The following ZUP1 variants were observed in gnomAD, a reference collection of about 807,000 sequenced individuals.
The protein encoded by ZUP1 is zinc finger-containing ubiquitin peptidase 1.
Under a neutral mutation model 68.1 loss-of-function variants are expected in ZUP1, and 55 were observed. That is an observed-to-expected ratio of 0.81 (90% CI 0.65 to 1.01). The LOEUF (loss-of-function observed/expected upper bound fraction) is 1.01, where lower values mean the gene tolerates loss of function less well. Among genes scored for constraint, ZUP1 ranks in the 50% least tolerant of loss-of-function variants. The probability of loss-of-function intolerance (pLI) is 0.00; values close to 1 mark genes in which losing one functional copy is unlikely to be tolerated. For synonymous variants in ZUP1, 223 were observed against 221.5 expected, an observed-to-expected ratio of 1.01 and a Z score of -0.06; for missense variants, 684 against 674.9, an observed-to-expected ratio of 1.01 and a Z score of -0.15.
chr6:116,643,630 G>T (rs1358079965), intron 9 of ZUP1, among the ~76,000 whole-genome samples: 1 of 152,138 alleles, frequency 6.6e-6, no homozygotes, highest in Non-Finnish European at 1.5e-5. Context: ...AAACTGGCTG[G>T]CCATATGTAG....
Position 116,643,795 on chromosome 6 carries a change from A to G in ZUP1, c.1689+1919T>C, listed in dbSNP as rs550261865. On this transcript the variant is annotated intron_variant, in intron 9 of 9. Coordinates refer to ENST00000368576, the MANE Select transcript of ZUP1 (RefSeq NM_145062.3). The stretch of plus-strand genomic sequence containing the variant: ...AGGCATGGGCAAGGACTTCATGTCT[A>G]AAACACCAAAAGCATTGGCAACAAA... 1.2e-4 allele frequency among the ~76,000 whole-genome samples: 18 copies of G among 152,360 alleles called. 1 individual carries two copies. The Middle Eastern group carries it at 0.017, about 144-fold the overall frequency.
intron 5 of ZUP1, among the ~76,000 whole-genome samples, chr6:116,653,740 G>A (rs1433419282): frequency 6.6e-6 from 1 of 151,922 alleles, no homozygotes; most frequent in African/African-American, 2.4e-5. Context: ...CAAGATTTGA[G>A]GCAGCCCTTT....
intron 2 of ZUP1, among the ~76,000 whole-genome samples, chr6:116,664,879 G>GAC (rs144584776): frequency 0.028 from 4,100 of 147,200 alleles, 67 homozygotes; most frequent in East Asian, 0.069. Flanking sequence ...CACAAGTACA[G>GAC]ACACACACAC....
At chr6:116,646,914 G>A (rs1776327693) in intron 8 of ZUP1, among the ~76,000 whole-genome samples, 2 of 152,110 alleles carry the variant, frequency 1.3e-5, no homozygotes, top group Admixed American at 6.6e-5. Context: ...GTCAGGGAAG[G>A]CCTCACTCAA....
intron 2 of ZUP1, among the ~76,000 whole-genome samples, chr6:116,666,127 C>T (rs1367112374): frequency 6.6e-6 from 1 of 152,112 alleles, no homozygotes; most frequent in Non-Finnish European, 1.5e-5. Flanking sequence ...ACATAAACAA[C>T]AGGATCTAGT....
intron 3 of ZUP1, among the ~76,000 whole-genome samples, chr6:116,659,749 C>T (rs1020897328): frequency 2.0e-5 from 3 of 152,184 alleles, no homozygotes; most frequent in African/African-American, 2.4e-5. Flanking sequence ...CTTCTCTACT[C>T]GGTGTCCCCC....
At chr6:116,662,390 T>G (rs886925427) in intron 2 of ZUP1, among the ~76,000 whole-genome samples, 1 of 152,142 alleles carries the variant, frequency 6.6e-6, no homozygotes, top group Non-Finnish European at 1.5e-5. Context: ...AGTATACATT[T>G]TTTACCACCA....
rs1583360473 is a variant in ZUP1, at chr6:116,641,441, A to G, written c.1689+4273T>C. Among the ~76,000 whole-genome samples, 4 of 152,118 alleles carry G rather than the reference A, an allele frequency of 2.6e-5. No individual in the cohort carries two copies. The East Asian group carries it at 7.7e-4, about 29-fold the overall frequency. ...CAAAATTGACCACATACTTGGAAGT[A>G]AAGCTCTCCTCAGCAAATGTAAAAG... On this transcript the variant is annotated intron_variant, in intron 9 of 9. Coordinates refer to ENST00000368576, the MANE Select transcript of ZUP1 (RefSeq NM_145062.3).
intron 9 of ZUP1, among the ~76,000 whole-genome samples, chr6:116,639,162 C>T (rs1443328889): frequency 6.6e-6 from 1 of 152,244 alleles, no homozygotes; most frequent in Non-Finnish European, 1.5e-5. Flanking sequence ...CCCAGGCTCG[C>T]TTAGGTAAAC....
At chr6:116,639,107 A>G (rs1776003003) in intron 9 of ZUP1, among the ~76,000 whole-genome samples, 1 of 152,252 alleles carries the variant, frequency 6.6e-6, no homozygotes, top group African/African-American at 2.4e-5. Context: ...TCTGAGATCA[A>G]ACTGCAAGGC....
intron 2 of ZUP1, among the ~76,000 whole-genome samples, chr6:116,661,182 G>A (rs1232365129): frequency 6.6e-6 from 1 of 151,914 alleles, no homozygotes; most frequent in African/African-American, 2.4e-5. Flanking sequence ...AGCCAAGTTG[G>A]TTTTATTTTT....
At chr6:116,646,105 G>T (rs1776301580) in intron 8 of ZUP1, 171 bp from the exon 9 acceptor site, 5 of 437,470 alleles carry the variant, frequency 1.1e-5, no homozygotes, top group East Asian at 1.1e-4. Context: ...TTCTACTTCA[G>T]TTTTTTCATT....
chr6:116,651,789 A>G (rs1198935529), intron 6 of ZUP1, 52 bp from the exon 7 acceptor site: 2 of 1,593,936 alleles, frequency 1.3e-6, no homozygotes, highest in South Asian at 2.2e-5. Flanking sequence ...AGTACTGAAT[A>G]ATATTTAGCA....
At chr6:116,642,039 C>A (rs1288776148) in intron 9 of ZUP1, among the ~76,000 whole-genome samples, 1 of 152,158 alleles carries the variant, frequency 6.6e-6, no homozygotes, top group African/African-American at 2.4e-5. Context: ...AAACTACCAT[C>A]AGAGAATACT....
intron 9 of ZUP1, among the ~76,000 whole-genome samples, chr6:116,640,329 T>A (rs1260956898): frequency 1.3e-5 from 2 of 151,972 alleles, no homozygotes; most frequent in Non-Finnish European, 2.9e-5. Context: ...ATTCAGGAAA[T>A]ACAGAGAATG....
At chr6:116,636,527 T>C (rs1303691219) in intron 9 of ZUP1, among the ~76,000 whole-genome samples, 1 of 152,118 alleles carries the variant, frequency 6.6e-6, no homozygotes, top group Non-Finnish European at 1.5e-5. Flanking sequence ...AATAAATCCT[T>C]TCACCTAAAC....
intron 3 of ZUP1, among the ~76,000 whole-genome samples, chr6:116,659,161 C>T (rs1216700494): frequency 6.6e-6 from 1 of 152,122 alleles, no homozygotes; most frequent in Non-Finnish European, 1.5e-5. Flanking sequence ...CGGAGTTTCG[C>T]TCTTATTGCC....
chr6:116,645,215 T>A (rs1180388200), intron 9 of ZUP1, among the ~76,000 whole-genome samples: 2 of 152,196 alleles, frequency 1.3e-5, no homozygotes, highest in Non-Finnish European at 2.9e-5. Flanking sequence ...ATAAATATGT[T>A]CATTCCAGAA....
intron 4 of ZUP1, 115 bp from the exon 5 acceptor site, chr6:116,656,967 T>C (rs1370357660): frequency 1.8e-5 from 12 of 648,896 alleles, no homozygotes; most frequent in Non-Finnish European, 2.6e-5. Flanking sequence ...TTATAGACTT[T>C]ATACAAGTTA....
Sources: gnomAD v4.1 joint callset for allele counts (sites outside exome capture counted in the v4.1 genomes callset) on GRCh38, gnomAD v4.1.1 for gene constraint, MANE v1.5 for transcripts, NCBI Gene and HGNC (gene_info 2026-07-23, HGNC 2026-07-21) for gene names.